Variants in ROBO1 observed in about 807,000 individuals in gnomAD.
ROBO1 encodes roundabout guidance receptor 1, also known as roundabout homolog 1.
In ROBO1, 149 loss-of-function variants were observed where a neutral mutation model predicts 195.9. That is an observed-to-expected ratio of 0.76 (90% CI 0.67 to 0.87). The LOEUF (loss-of-function observed/expected upper bound fraction) is 0.87. Ranked by LOEUF, ROBO1 falls within the 40% of genes least tolerant of loss-of-function variation. The probability of loss-of-function intolerance (pLI) is 0.00; values close to 1 mark genes in which losing one functional copy is unlikely to be tolerated. For missense variants in ROBO1, 1,933 were observed against 2,068.3 expected, an observed-to-expected ratio of 0.93 and a Z score of 1.27; for synonymous variants, 816 against 733.2, an observed-to-expected ratio of 1.11 and a Z score of -1.82.
At chr3:79,498,995 T>C in intron 2 of ROBO1, among the ~76,000 whole-genome samples, 1 of 152,230 alleles carries the variant, frequency 6.6e-6, no homozygotes, top group Non-Finnish European at 1.5e-5. Flanking sequence ...TTTAAATTTT[T>C]ATTAACTTTT....
intron 3 of ROBO1, among the ~76,000 whole-genome samples, chr3:79,048,749 C>A (rs1351273440): frequency 6.6e-6 from 1 of 152,228 alleles, no homozygotes; most frequent in Non-Finnish European, 1.5e-5. Flanking sequence ...GAAACCCAGG[C>A]AAACAGGGTC....
At chr3:79,218,717 C>T (rs1339817313) in intron 2 of ROBO1, among the ~76,000 whole-genome samples, 1 of 151,860 alleles carries the variant, frequency 6.6e-6, no homozygotes, top group Non-Finnish European at 1.5e-5. Flanking sequence ...GAGACTCCCT[C>T]GAGTCCCAAG....
chr3:78,697,734 G>A (rs532193538), intron 8 of ROBO1, among the ~76,000 whole-genome samples: 1 of 152,232 alleles, frequency 6.6e-6, no homozygotes, highest in African/African-American at 2.4e-5. Context: ...TCAGTGCTAC[G>A]ATTTTAATTG....
chr3:79,523,720 C>T (rs540570719), intron 2 of ROBO1, among the ~76,000 whole-genome samples: 10 of 151,994 alleles, frequency 6.6e-5, no homozygotes, highest in Admixed American at 2.0e-4. Flanking sequence ...ATGATCCACT[C>T]GCCTTGGCCT....
At chr3:79,456,189 G>T (rs2039613494) in intron 2 of ROBO1, among the ~76,000 whole-genome samples, 1 of 152,066 alleles carries the variant, frequency 6.6e-6, no homozygotes, top group Non-Finnish European at 1.5e-5. Context: ...ATATCTAATG[G>T]AAAAGTAAGA....
At chr3:79,365,876 G>A (rs35968812) in intron 2 of ROBO1, among the ~76,000 whole-genome samples, 141 of 140,900 alleles carry the variant, frequency 1.0e-3, no homozygotes, top group African/African-American at 2.1e-3. Flanking sequence ...CAGCCTGGGC[G>A]ACACAGCAAG....
intron 10 of ROBO1, among the ~76,000 whole-genome samples, chr3:78,675,086 G>A (rs1346701812): frequency 6.6e-6 from 1 of 151,770 alleles, no homozygotes; most frequent in Non-Finnish European, 1.5e-5. Context: ...TTTTGAGAGA[G>A]ACAATCCTAG....
At chr3:79,408,703 T>C (rs935205504) in intron 2 of ROBO1, among the ~76,000 whole-genome samples, 3 of 152,148 alleles carry the variant, frequency 2.0e-5, no homozygotes. Flanking sequence ...TGCCACCATT[T>C]TTTGAAACTT....
chr3:78,618,157 T>G, intron 26 of ROBO1, 116 bp from the exon 27 acceptor site: 13 of 1,088,338 alleles, frequency 1.2e-5, no homozygotes, highest in South Asian at 3.5e-5. Flanking sequence ...TTTGAGCTCA[T>G]ATGTTCAGAA....
At chr3:79,674,716 AT>A (rs1329817178) in intron 1 of ROBO1, among the ~76,000 whole-genome samples, 1 of 151,840 alleles carries the variant, frequency 6.6e-6, no homozygotes, top group African/African-American at 2.4e-5. Context: ...ATTCTATATT[AT>A]TTATGCAAGG....
At chr3:78,639,265 T>G (rs1387157736) in intron 22 of ROBO1, among the ~76,000 whole-genome samples, 2 of 152,012 alleles carry the variant, frequency 1.3e-5, no homozygotes, top group Admixed American at 1.3e-4. Flanking sequence ...GAGGCCAGCC[T>G]GGGCAACATG....
At chr3:79,405,942 G>A (rs1277573158) in intron 2 of ROBO1, among the ~76,000 whole-genome samples, 1 of 152,078 alleles carries the variant, frequency 6.6e-6, no homozygotes, top group Admixed American at 6.6e-5. Flanking sequence ...TTAAGTTCTT[G>A]GGGAATTGTA....
At chr3:78,941,482 G>T (rs1226376435) in intron 3 of ROBO1, among the ~76,000 whole-genome samples, 1 of 152,156 alleles carries the variant, frequency 6.6e-6, no homozygotes, top group Admixed American at 6.5e-5. Context: ...CTGCTGAGGA[G>T]ATATTTATTT....
chr3:78,845,500 T>C (rs2033600649), intron 4 of ROBO1, among the ~76,000 whole-genome samples: 1 of 152,288 alleles, frequency 6.6e-6, no homozygotes, highest in East Asian at 1.9e-4. Flanking sequence ...GTGTGATATC[T>C]ACGTGTGTGT....
intron 2 of ROBO1, among the ~76,000 whole-genome samples, chr3:79,237,743 G>T (rs2082439155): frequency 6.6e-6 from 1 of 151,974 alleles, no homozygotes; most frequent in Admixed American, 6.6e-5. Flanking sequence ...GCAGTCTGTT[G>T]CTGCTTTTAA....
At chr3:78,726,636 A>G (rs1193356392) in intron 5 of ROBO1, among the ~76,000 whole-genome samples, 4 of 152,198 alleles carry the variant, frequency 2.6e-5, no homozygotes, top group African/African-American at 7.2e-5. Flanking sequence ...AATGCTGTCA[A>G]TTCTGCCTGG....
At chr3:78,800,723 A>T (rs2108573410) in intron 4 of ROBO1, among the ~76,000 whole-genome samples, 1 of 151,884 alleles carries the variant, frequency 6.6e-6, no homozygotes, top group Non-Finnish European at 1.5e-5. Context: ...TGCCCAGCTA[A>T]TTTTTTTGTT....
intron 29 of ROBO1, among the ~76,000 whole-genome samples, chr3:78,602,199 C>A (rs1037775000): frequency 1.3e-5 from 2 of 152,084 alleles, no homozygotes; most frequent in East Asian, 3.9e-4. Flanking sequence ...CCTCATGGAT[C>A]GCTTGGGCCA....
chr3:79,537,698 A>G (rs1941923655), intron 2 of ROBO1, among the ~76,000 whole-genome samples: 1 of 151,956 alleles, frequency 6.6e-6, no homozygotes, highest in African/African-American at 2.4e-5. Flanking sequence ...GAACACGAGG[A>G]CATAGGGAGG....
Sources: allele counts gnomAD v4.1 joint callset (sites outside exome capture counted in the v4.1 genomes callset), GRCh38; gene constraint gnomAD v4.1.1; transcripts MANE v1.5; gene names NCBI Gene and HGNC (gene_info 2026-07-23, HGNC 2026-07-21).